Variants in PLIN2 observed in about 807,000 individuals in gnomAD.
PLIN2 encodes perilipin 2.
A neutral mutation model predicts 30.6 loss-of-function variants in PLIN2; 33 were observed. That is an observed-to-expected ratio of 1.08 (90% CI 0.82 to 1.44). The LOEUF (loss-of-function observed/expected upper bound fraction) is 1.44. Ranked by LOEUF, PLIN2 falls within the 40% of genes most tolerant of loss-of-function variation. The probability of loss-of-function intolerance (pLI) is 0.00; values close to 1 mark genes in which losing one functional copy is unlikely to be tolerated. For synonymous variants in PLIN2, 205 were observed against 201.1 expected, an observed-to-expected ratio of 1.02 and a Z score of -0.16; for missense variants, 610 against 531.8, an observed-to-expected ratio of 1.15 and a Z score of -1.45.
At chr9:19,114,449 G>C (rs1818194966), downstream of PLIN2, among the ~76,000 whole-genome samples, 1 of 151,654 alleles carries the variant, frequency 6.6e-6, no homozygotes, top group South Asian at 2.1e-4. Context: ...CTGTTGCTCA[G>C]GTTGGAGTGC....
intron 3 of PLIN2, 162 bp downstream of exon 3, chr9:19,125,952 A>G: frequency 3.5e-6 from 2 of 569,954 alleles, no homozygotes; most frequent in South Asian, 4.9e-5. Context: ...AGAAAAGAAA[A>G]GAAACAGTCC....
intron 7 of PLIN2, among the ~76,000 whole-genome samples, chr9:19,117,104 C>T (rs929806054): frequency 3.3e-5 from 5 of 152,144 alleles, no homozygotes; most frequent in Middle Eastern, 3.4e-3. Flanking sequence ...TATTTCTTTT[C>T]CCTTCCTTCC....
intron 4 of PLIN2, among the ~76,000 whole-genome samples, chr9:19,123,017 A>G (rs1818343960): frequency 2.0e-5 from 3 of 152,188 alleles, no homozygotes; most frequent in Admixed American, 6.5e-5. Flanking sequence ...GTGACAGATG[A>G]CTGTATTTAG....
rs149530593 is a variant in PLIN2 at position 19,116,469 on chromosome 9, C to T, written c.1093G>A (p.Glu365Lys). Reference sequence around the variant, plus strand: ...GAAGTGAGGAGGCTGTCAGACACTTCTTTAAAGGAGGCAGCATTGCGGAAC... The same window carrying T: ...GAAGTGAGGAGGCTGTCAGACACTTTTTTAAAGGAGGCAGCATTGCGGAAC... ...SVFRNAASFKEVSDSLLTSSK... is the reference protein window; with the variant it reads ...SVFRNAASFKKVSDSLLTSSK... Residue 365 changes from glutamate to lysine, a missense_variant, in exon 8 of 8, where the codon GAA becomes AAA. By Grantham distance (56) the Glu-to-Lys change is moderately conservative. Transcript: ENST00000276914. The T allele has an allele frequency of 6.2e-7, 1 of 1,614,092 alleles. No homozygotes were observed. The highest frequency in any genetic ancestry group is 1.3e-5 in the African/African-American group (1 of 74,934).
intron 5 of PLIN2, among the ~76,000 whole-genome samples, chr9:19,120,249 C>T (rs1233906227): frequency 2.6e-5 from 4 of 151,998 alleles, no homozygotes; most frequent in Non-Finnish European, 5.9e-5. Context: ...TAGGGTTTCG[C>T]CATGTTGCCC....
chr9:19,123,387 A>G lies in PLIN2; in HGVS notation c.309+178T>C, dbSNP rs1264995513. The G allele has an allele frequency of 5.2e-6, 8 of 1,551,462 alleles. No homozygotes were observed. In the East Asian group the frequency reaches 1.7e-4, roughly 33 times the overall value. On this transcript the variant is annotated intron_variant, in intron 4 of 7. Coordinates refer to ENST00000276914, the MANE Select transcript of PLIN2 (RefSeq NM_001122.4). ...AGGCTAGTTCTTCTCTGCTTCGTAG[A>G]TACAACTTGACAACAGTTCAGGAAG...
chr9:19,113,368 A>G (rs938201756), downstream of PLIN2, among the ~76,000 whole-genome samples: 1 of 152,064 alleles, frequency 6.6e-6, no homozygotes, highest in Admixed American at 6.6e-5. Context: ...GGCCTAGAAA[A>G]TGCCAGTCAC....
downstream of PLIN2, among the ~76,000 whole-genome samples, chr9:19,114,208 C>T (rs1302091638): frequency 2.0e-5 from 3 of 152,036 alleles, no homozygotes; most frequent in African/African-American, 7.2e-5. Context: ...AGTCACCGTG[C>T]CTGGTCGATA....
chr9:19,121,344 A>AT (rs1419366467), intron 4 of PLIN2, among the ~76,000 whole-genome samples, 179 bp from the exon 5 acceptor site: 1 of 152,162 alleles, frequency 6.6e-6, no homozygotes, highest in Non-Finnish European at 1.5e-5. Flanking sequence ...CCTATCAAGT[A>AT]TATCTGCCCT....
intron 3 of PLIN2, 51 bp downstream of exon 3, chr9:19,126,063 G>C: frequency 3.3e-6 from 5 of 1,502,520 alleles, no homozygotes; most frequent in Non-Finnish European, 4.6e-6. Flanking sequence ...GAGCTCAGGG[G>C]CTCGCCACTG....
chr9:19,113,774 G>GTTTT (rs35017527), downstream of PLIN2, among the ~76,000 whole-genome samples: 8 of 131,390 alleles, frequency 6.1e-5, no homozygotes, highest in South Asian at 2.4e-4. Context: ...GTTATTTTTG[G>GTTTT]TTTTTTTTTT....
chr9:19,109,282 C>T (rs1818128510), intron 2 of PLIN2, among the ~76,000 whole-genome samples: 1 of 152,118 alleles, frequency 6.6e-6, no homozygotes, highest in African/African-American at 2.4e-5. Context: ...AGGCCAGCTG[C>T]AGTGGCTCAC....
At position 19,119,749 on chromosome 9, in the gene PLIN2, C is replaced by A. The variant is rs761054696; in HGVS notation, c.678G>T (p.Lys226Asn). Residue 226 changes from lysine to asparagine, a missense_variant, in exon 6 of 8, where the codon AAG becomes AAT. Lys to Asn is a moderately conservative substitution (Grantham distance 94). Coordinates refer to ENST00000276914, the MANE Select transcript of PLIN2 (RefSeq NM_001122.4). ...CCTGCTGGTAGGCACGGGAGTGAAG[C>A]TTGGTAGACAGGGATCCCAGTCTAA... Reference protein sequence around the residue: ...YYVRLGSLSTKLHSRAYQQAL... With the variant: ...YYVRLGSLSTNLHSRAYQQAL... 10 of 1,612,062 alleles carry A rather than the reference C, an allele frequency of 6.2e-6. No homozygotes were observed. Among genetic ancestry groups the A allele is most frequent in the Non-Finnish European group, 8.5e-6 (10 of 1,178,408 alleles).
downstream of PLIN2, among the ~76,000 whole-genome samples, chr9:19,113,643 G>A (rs1005658160): frequency 3.3e-5 from 5 of 149,594 alleles, no homozygotes; most frequent in Admixed American, 2.0e-4. Context: ...TCACAATCTC[G>A]GCTCACTGCA....
At chr9:19,117,092 G>A (rs1242892091) in intron 7 of PLIN2, among the ~76,000 whole-genome samples, 2 of 152,084 alleles carry the variant, frequency 1.3e-5, no homozygotes, top group Non-Finnish European at 2.9e-5. Flanking sequence ...ACTATAAGAG[G>A]ATATTTCTTT....
chr9:19,122,730 T>A (rs995366723), intron 4 of PLIN2, among the ~76,000 whole-genome samples: 1 of 152,120 alleles, frequency 6.6e-6, no homozygotes, highest in Non-Finnish European at 1.5e-5. Flanking sequence ...TAGATTCTCA[T>A]AGGAGACCTA....
chr9:19,122,138 C>G (rs748769085), intron 4 of PLIN2, among the ~76,000 whole-genome samples: 60 of 121,218 alleles, frequency 4.9e-4, no homozygotes, highest in Non-Finnish European at 4.3e-4. Flanking sequence ...AAAAAAAGAA[C>G]ACAAGTTACC....
downstream of PLIN2, among the ~76,000 whole-genome samples, chr9:19,112,630 C>G (rs545060659): frequency 7.9e-5 from 12 of 151,114 alleles, no homozygotes; most frequent in Middle Eastern, 3.4e-3. Context: ...ATCGATTGAG[C>G]CTGGGAGGCG....
chr9:19,120,995 A>G lies in PLIN2; in HGVS notation c.480T>C (p.Ile160=). 6.2e-7 allele frequency: 1 copy of G among 1,614,144 alleles called. No individual in the cohort carries two copies. Among genetic ancestry groups the G allele is most frequent in the Non-Finnish European group, 8.5e-7 (1 of 1,180,010 alleles). ...EKTKSVVSGS[I]NTVLGSRMMQ... ...TCATCCGACTCCCCAAGACTGTGTTAATGCTGCCACTGACCACAGACTTGG... is the reference window on the plus strand; with the variant it reads ...TCATCCGACTCCCCAAGACTGTGTTGATGCTGCCACTGACCACAGACTTGG... Residue 160 remains isoleucine, a synonymous_variant, in exon 5 of 8, where the codon ATT becomes ATC. Transcript: ENST00000276914.
Sources: gnomAD v4.1 joint callset for allele counts (sites outside exome capture counted in the v4.1 genomes callset) on GRCh38, gnomAD v4.1.1 for gene constraint, MANE v1.5 for transcripts, NCBI Gene and HGNC (gene_info 2026-07-23, HGNC 2026-07-21) for gene names.